Variants in ZNG1A observed in about 807,000 individuals in gnomAD.
ZNG1A encodes zinc-regulated GTPase metalloprotein activator 1A.
At chr9:152,404 C>G in the ZNG1A span, among the ~76,000 whole-genome samples, 8,389 of 152,112 alleles carry the variant, frequency 0.055, 269 homozygotes, top group African/African-American at 0.098. Context: ...AGTCAGTTAT[C>G]CTAGTGTTCT....
At chr9:143,409 T>C in the ZNG1A span, among the ~76,000 whole-genome samples, 3 of 132,254 alleles carry the variant, frequency 2.3e-5, no homozygotes, top group Admixed American at 8.0e-5. Context: ...TCAATACATG[T>C]AATCCAGCAT....
the ZNG1A span, among the ~76,000 whole-genome samples, chr9:174,440 A>T: frequency 0.065 from 9,824 of 152,100 alleles, 531 homozygotes; most frequent in East Asian, 0.25. Flanking sequence ...TATATACAGA[A>T]CATTAATGAA....
chr9:157,295 T>A, the ZNG1A span, among the ~76,000 whole-genome samples: 2 of 149,884 alleles, frequency 1.3e-5, no homozygotes, highest in East Asian at 3.9e-4. Context: ...TGTTTTTTTT[T>A]TTTTCCCCCT....
At chr9:163,050 T>G in the ZNG1A span, among the ~76,000 whole-genome samples, 1 of 150,742 alleles carries the variant, frequency 6.6e-6, no homozygotes, top group Non-Finnish European at 1.5e-5. Context: ...ATGAGTTTAA[T>G]TATGCCTAAG....
At chr9:170,695 A>C in the ZNG1A span, among the ~76,000 whole-genome samples, 1 of 140,748 alleles carries the variant, frequency 7.1e-6, no homozygotes, top group Admixed American at 7.1e-5. Flanking sequence ...CCCTACTTGT[A>C]TATCACAAAA....
the ZNG1A span, among the ~76,000 whole-genome samples, chr9:129,437 G>A: frequency 1.4e-5 from 2 of 147,108 alleles, no homozygotes; most frequent in African/African-American, 5.4e-5. Flanking sequence ...CAGGACAGTT[G>A]AATGGATAAA....
the ZNG1A span, among the ~76,000 whole-genome samples, chr9:162,047 GTGTT>G: frequency 4.1e-5 from 6 of 147,360 alleles, no homozygotes; most frequent in African/African-American, 1.5e-4. Flanking sequence ...TTTCCAGTGT[GTGTT>G]TAATAGTAAT....
the ZNG1A span, among the ~76,000 whole-genome samples, chr9:176,633 T>C: frequency 6.6e-6 from 1 of 152,024 alleles, no homozygotes; most frequent in Non-Finnish European, 1.5e-5. Flanking sequence ...TAGAGTACTT[T>C]AGGAAGCTCA....
At chr9:163,650 C>G in the ZNG1A span, among the ~76,000 whole-genome samples, 2 of 152,024 alleles carry the variant, frequency 1.3e-5, no homozygotes, top group African/African-American at 4.8e-5. Flanking sequence ...GGTGTGGTGG[C>G]TCACGCCTGT....
the ZNG1A span, chr9:147,171 GCCTC>G: frequency 1.2e-5 from 1 of 81,396 alleles, no homozygotes. Flanking sequence ...GTGAGACTCC[GCCTC>G]AAAAGAAAAA....
the ZNG1A span, chr9:150,658 A>T: frequency 4.1e-6 from 4 of 982,440 alleles, no homozygotes; most frequent in Non-Finnish European, 4.8e-6. Context: ...TAATTCACAG[A>T]AGATTTTAGT....
At chr9:171,784 C>G in the ZNG1A span, 1 of 384,298 alleles carries the variant, frequency 2.6e-6, no homozygotes, top group Non-Finnish European at 4.9e-6. Context: ...GGTAGAACGT[C>G]TCTGCTCTTC....
the ZNG1A span, among the ~76,000 whole-genome samples, chr9:139,020 G>C: frequency 1.3e-4 from 19 of 149,412 alleles, 1 homozygote; most frequent in African/African-American, 4.8e-4. Context: ...AAAATACCCA[G>C]AGACATGTCC....
At chr9:141,212 G>A in the ZNG1A span, among the ~76,000 whole-genome samples, 808 of 132,144 alleles carry the variant, frequency 6.1e-3, 1 homozygote, top group South Asian at 0.018. Flanking sequence ...TACTCCTCGA[G>A]AAGAGCAACT....
At chr9:161,121 C>T in the ZNG1A span, among the ~76,000 whole-genome samples, 15 of 151,960 alleles carry the variant, frequency 9.9e-5, no homozygotes, top group Non-Finnish European at 1.8e-4. Context: ...CCTGACATAT[C>T]CCCTTAGAGC....
the ZNG1A span, among the ~76,000 whole-genome samples, chr9:173,912 C>T: frequency 6.6e-6 from 1 of 152,042 alleles, no homozygotes; most frequent in African/African-American, 2.4e-5. Context: ...TATAGGGAGG[C>T]CAAGGCGGGC....
At chr9:163,956 A>G in the ZNG1A span, 1 of 1,582,812 alleles carries the variant, frequency 6.3e-7, no homozygotes, top group Non-Finnish European at 8.6e-7. Context: ...GAAAGATAAA[A>G]GAAAACTGTT....
the ZNG1A span, among the ~76,000 whole-genome samples, chr9:160,705 T>C: frequency 4.0e-5 from 6 of 148,916 alleles, no homozygotes; most frequent in Non-Finnish European, 7.4e-5. Flanking sequence ...ATAAACAGTT[T>C]GACTTTTAGC....
the ZNG1A span, among the ~76,000 whole-genome samples, chr9:174,209 A>T: frequency 1.3e-5 from 2 of 151,610 alleles, no homozygotes; most frequent in African/African-American, 4.9e-5. Context: ...ATACTTACTT[A>T]AGAAAGAATA....
Sources: allele counts gnomAD v4.1 joint callset (sites outside exome capture counted in the v4.1 genomes callset), GRCh38; gene constraint gnomAD v4.1.1; transcripts MANE v1.5; gene names NCBI Gene and HGNC (gene_info 2026-07-23, HGNC 2026-07-21).